TLE1: variants seen among roughly 807,000 people sequenced by gnomAD.
TLE1 encodes the protein TLE family member 1, transcriptional corepressor, also known as transducin-like enhancer protein 1.
TLE1 carries 21 observed loss-of-function variants against 89.8 expected under a neutral mutation model. That is an observed-to-expected ratio of 0.23 (90% confidence interval 0.17 to 0.34). TLE1 has a LOEUF of 0.34. TLE1 is among the 10% of genes least tolerant of loss of function. The pLI is 1.00. For synonymous variants in TLE1, 447 were observed against 407.6 expected, an observed-to-expected ratio of 1.10 and a Z score of -1.16; for missense variants, 795 against 1,031.2, an observed-to-expected ratio of 0.77 and a Z score of 3.14.
chr9:81,635,066 A>C (rs1320508541), intron 6 of TLE1, among the ~76,000 whole-genome samples: 1 of 152,142 alleles, frequency 6.6e-6, no homozygotes, highest in Non-Finnish European at 1.5e-5. Context: ...CTGAAACTCT[A>C]TCCCTAGGCA....
chr9:81,600,915 A>T (rs1482852056), intron 14 of TLE1, among the ~76,000 whole-genome samples: 6 of 152,184 alleles, frequency 3.9e-5, no homozygotes, highest in Non-Finnish European at 7.3e-5. Flanking sequence ...GCTCTCGATT[A>T]TCAGTGCTAC....
chr9:81,685,719 T>C lies in TLE1; in HGVS notation c.191A>G (p.Tyr64Cys), dbSNP rs748903709. 7 of 1,613,550 alleles carry C rather than the reference T, an allele frequency of 4.3e-6. No homozygotes were observed. The highest frequency in any genetic ancestry group is 1.7e-5 in the Admixed American group (1 of 59,952). ...KTEMQRHYVM[Y>C]YEMSYGLNIE... is the part of the protein sequence containing the mutation. ...GTTTAATCCATATGACATTTCATAA[T>C]ACTGTAAAGAGAAAAAAGAATCAAG... The change falls in exon 4 of 20, where the codon TAT becomes TGT. Residue 64 changes from tyrosine (Y) to cysteine (C), a missense_variant and splice_region_variant. Tyr to Cys is a radical substitution (Grantham distance 194). Coordinates refer to ENST00000376499, the MANE Select transcript of TLE1 (RefSeq NM_005077.5).
At chr9:81,591,099 C>G in intron 15 of TLE1, 47 bp from the exon 16 acceptor site, 1 of 1,586,152 alleles carries the variant, frequency 6.3e-7, no homozygotes, top group Non-Finnish European at 8.6e-7. Context: ...ACCGAGCAAT[C>G]ATAGCACCAT....
In TLE1 at chr9:81,634,258, G is replaced by T; in HGVS notation, c.416C>A (p.Pro139His). 1.3e-6 allele frequency: 2 copies of T among 1,563,192 alleles called. No individual in the cohort carries two copies. Among genetic ancestry groups the T allele is most frequent in the Non-Finnish European group, 1.7e-6 (2 of 1,149,250 alleles). Residue 139 changes from proline to histidine, a missense_variant, in exon 7 of 20, where the codon CCC becomes CAC. By Grantham distance (77) the Pro-to-His change is moderately conservative. Around this residue, in one of 4 missense-constraint regions of TLE1, gnomAD observed 468 missense variants for 509.1 expected, o/e 0.92. Coordinates refer to ENST00000376499, the MANE Select transcript of TLE1 (RefSeq NM_005077.5). ...QAQHLSHGHG[P>H]PVPLTPHPSG... ...AGGGTGAGGCGTAAGGGGAACTGGG[G>T]GTCCGTGGCCATGAGAAAGATGCTG...
Position 81,680,541 on chromosome 9 carries a change from C to G in TLE1, c.234+5135G>C, listed in dbSNP as rs539516338. Among the ~76,000 whole-genome samples, 5 of 152,284 alleles carry G rather than the reference C, an allele frequency of 3.3e-5. 1 individual carries two copies. In the South Asian group the frequency reaches 1.0e-3, roughly 32 times the overall value. On this transcript the variant is annotated intron_variant, in intron 4 of 19. Coordinates refer to ENST00000376499, the MANE Select transcript of TLE1 (RefSeq NM_005077.5). ...TTCTTAAAATCCATGCCCAGGGACT[C>G]CCTTGCCTTACTCCAGTGCAAGTCC...
intron 13 of TLE1, 71 bp from the exon 14 acceptor site, chr9:81,610,367 CATT>C: frequency 2.6e-6 from 3 of 1,136,528 alleles, no homozygotes; most frequent in Non-Finnish European, 3.9e-6. Flanking sequence ...CAATACTGTT[CATT>C]AGAAACTCAC....
At chr9:81,625,697 T>C (rs1825810316) in intron 8 of TLE1, among the ~76,000 whole-genome samples, 1 of 152,138 alleles carries the variant, frequency 6.6e-6, no homozygotes, top group South Asian at 2.1e-4. Flanking sequence ...GGACTCTGTA[T>C]TACTTTATCC....
At chr9:81,655,806 T>A (rs1830083491) in intron 4 of TLE1, among the ~76,000 whole-genome samples, 1 of 145,494 alleles carries the variant, frequency 6.9e-6, no homozygotes, top group African/African-American at 2.6e-5. Context: ...TGAGCTGAGA[T>A]CGCGCCACTA....
At chr9:81,662,987 A>G (rs1818388987) in intron 4 of TLE1, among the ~76,000 whole-genome samples, 1 of 152,010 alleles carries the variant, frequency 6.6e-6, no homozygotes, top group African/African-American at 2.4e-5. Context: ...GGCTGGGACT[A>G]CAGGTGTGCA....
intron 8 of TLE1, among the ~76,000 whole-genome samples, chr9:81,631,580 G>A (rs565720295): frequency 5.3e-5 from 8 of 152,274 alleles, no homozygotes; most frequent in South Asian, 2.1e-4. Flanking sequence ...TTGCAGATGC[G>A]TGTCCCATAA....
intron 6 of TLE1, among the ~76,000 whole-genome samples, chr9:81,635,139 A>G (rs1183705449): frequency 1.3e-5 from 2 of 152,210 alleles, no homozygotes; most frequent in African/African-American, 4.8e-5. Flanking sequence ...GCTGCCACAG[A>G]CAGGGGAGAG....
At chr9:81,643,744 C>G (rs1387482706) in intron 6 of TLE1, among the ~76,000 whole-genome samples, 1 of 152,124 alleles carries the variant, frequency 6.6e-6, no homozygotes, top group Admixed American at 6.5e-5. Context: ...CTATGTTGCC[C>G]AGGCTGGTGT....
At chr9:81,652,155 A>G (rs1201859069) in intron 6 of TLE1, 59 bp downstream of exon 6, 23 of 1,500,980 alleles carry the variant, frequency 1.5e-5, no homozygotes, top group Non-Finnish European at 2.0e-5. Context: ...CCATCAAATT[A>G]ATAAGAAATG....
intron 14 of TLE1, among the ~76,000 whole-genome samples, chr9:81,596,458 G>T (rs995321866): frequency 4.6e-5 from 7 of 152,108 alleles, no homozygotes; most frequent in African/African-American, 1.7e-4. Flanking sequence ...ACCAGGGGAG[G>T]AAATTATTCA....
At chr9:81,618,923 T>C (rs535546246) in intron 9 of TLE1, among the ~76,000 whole-genome samples, 14 of 152,308 alleles carry the variant, frequency 9.2e-5, no homozygotes, top group African/African-American at 3.4e-4. Context: ...CTGAGGCCTC[T>C]GTTCCAGATT....
At chr9:81,653,012 CAACTCCA>C (rs752599148) in intron 5 of TLE1, among the ~76,000 whole-genome samples, 2 of 152,062 alleles carry the variant, frequency 1.3e-5, no homozygotes, top group African/African-American at 2.4e-5. Context: ...TCCCAACTCC[CAACTCCA>C]CCCACAAATA....
At chr9:81,618,854 C>A (rs148585563) in intron 9 of TLE1, among the ~76,000 whole-genome samples, 2 of 152,082 alleles carry the variant, frequency 1.3e-5, no homozygotes, top group African/African-American at 4.8e-5. Context: ...TGTACCGGAC[C>A]CTTCTGCAAA....
intron 16 of TLE1, among the ~76,000 whole-genome samples, chr9:81,588,453 G>A (rs561965825): frequency 2.6e-5 from 4 of 152,242 alleles, no homozygotes; most frequent in East Asian, 1.9e-4. Flanking sequence ...CACGCATGCC[G>A]GCCTCCTGAC....
intron 6 of TLE1, among the ~76,000 whole-genome samples, chr9:81,638,142 A>T (rs1164143932): frequency 6.6e-6 from 1 of 152,168 alleles, no homozygotes; most frequent in East Asian, 1.9e-4. Flanking sequence ...CCTCACCAAC[A>T]GGCCTAATGG....
Sources: allele counts gnomAD v4.1 joint callset (sites outside exome capture counted in the v4.1 genomes callset), GRCh38; gene constraint gnomAD v4.1.1; regional missense constraint gnomAD v4.1.1; transcripts MANE v1.5; gene names NCBI Gene and HGNC (gene_info 2026-07-23, HGNC 2026-07-21).